CCDC88C: variants seen among roughly 807,000 people sequenced by gnomAD.
CCDC88C encodes the protein protein Daple.
A neutral mutation model predicts 198.8 loss-of-function variants in CCDC88C; 131 were observed. The ratio of observed to expected loss-of-function variants is 0.66; its 90% CI spans 0.57 to 0.76. The LOEUF is 0.76. Among genes scored for constraint, CCDC88C ranks in the 30% least tolerant of loss-of-function variants. CCDC88C has a pLI of 0.00. For synonymous variants in CCDC88C, 1,166 were observed against 1,114.7 expected, an observed-to-expected ratio of 1.05 and a Z score of -0.92; for missense variants, 2,553 against 2,631.6, an observed-to-expected ratio of 0.97 and a Z score of 0.65.
chr14:91,310,115 A>C (rs899411503), intron 15 of CCDC88C, 129 bp from the exon 16 acceptor site: 6 of 873,012 alleles, frequency 6.9e-6, no homozygotes, highest in South Asian at 2.2e-5. Context: ...GAGCGAGGGG[A>C]CTCTGAACCC....
intron 3 of CCDC88C, among the ~76,000 whole-genome samples, chr14:91,373,842 G>A (rs952530225): frequency 1.3e-5 from 2 of 152,182 alleles, no homozygotes; most frequent in South Asian, 2.1e-4. Flanking sequence ...CAGCCCAGCC[G>A]GTCCCCTGCC....
intron 3 of CCDC88C, among the ~76,000 whole-genome samples, chr14:91,384,053 A>T (rs189403752): frequency 1.3e-3 from 205 of 152,262 alleles, no homozygotes; most frequent in Middle Eastern, 6.8e-3. Context: ...AGGGCACCAC[A>T]TCTGGGTACC....
At position 91,313,907 on chromosome 14, in the gene CCDC88C, G is replaced by C. The variant is rs7160308; in HGVS notation, c.1909C>G (p.Leu637Val). The C allele has an allele frequency of 3.3e-3, 5,345 of 1,611,280 alleles. 171 individuals carry two copies. The African/African-American group carries it at 0.063, about 19-fold the overall frequency. ...CCGTTCTCCTCCTGGAGTCGCTGTA[G>C]CTCCCTCTCCAGCTTCTCTGCCCGC... The part of the protein sequence containing the change: ...GERAEKLERE[L>V]QRLQEENGRL... Residue 637 changes from leucine (L) to valine (V), a missense_variant, in exon 15 of 30, where the codon CTA becomes GTA. By Grantham distance (32) the Leu-to-Val change is conservative (BLOSUM62 1). Coordinates refer to ENST00000389857, the MANE Select transcript of CCDC88C (RefSeq NM_001080414.4). This position sits in a 1 kb window ranked among gnomAD's most constrained non-coding sequence, Gnocchi z 5.2.
intron 12 of CCDC88C, among the ~76,000 whole-genome samples, chr14:91,323,520 T>G (rs951572890): frequency 2.6e-5 from 4 of 152,186 alleles, no homozygotes; most frequent in African/African-American, 4.8e-5. Context: ...CACTGCCCCA[T>G]ACACTCAGGC....
At chr14:91,287,555 C>A (rs1890467037) in intron 25 of CCDC88C, among the ~76,000 whole-genome samples, 1 of 151,872 alleles carries the variant, frequency 6.6e-6, no homozygotes, top group Non-Finnish European at 1.5e-5. Context: ...CAGGCTAGTC[C>A]CAAACTCCTG....
At chr14:91,368,337 GA>G (rs1002254125) in intron 3 of CCDC88C, among the ~76,000 whole-genome samples, 2 of 152,010 alleles carry the variant, frequency 1.3e-5, no homozygotes, top group African/African-American at 4.8e-5. Flanking sequence ...ATTTCAGAGG[GA>G]AAAAAAGCTT....
In CCDC88C at chr14:91,278,087, G is replaced by A. The variant is rs761047287; in HGVS notation, c.4893C>T (p.His1631=). 16 of 1,612,402 alleles carry A rather than the reference G, an allele frequency of 9.9e-6. No homozygotes were observed. Among genetic ancestry groups the A allele is most frequent in the East Asian group, 2.2e-5 (1 of 44,826 alleles). ...GCCCGTTCCGAGGCAAGGGGTACTC[G>A]TGGCGGCCGAGGGCGTTGCGTCCCG... ...STPGRNALGR[H]EYPLPRNGPL... The change falls in exon 29 of 30, where the codon CAC becomes CAT. Residue 1631 remains histidine (H), a synonymous_variant. Transcript: ENST00000389857.
At chr14:91,361,178 G>A (rs1475707650) in intron 3 of CCDC88C, among the ~76,000 whole-genome samples, 1 of 151,946 alleles carries the variant, frequency 6.6e-6, no homozygotes, top group Non-Finnish European at 1.5e-5. Flanking sequence ...AAAAGAGGGT[G>A]GGTTTCATAA....
chr14:91,304,178 A>C (rs1164886150), intron 19 of CCDC88C, among the ~76,000 whole-genome samples, 200 bp from the exon 20 acceptor site: 1 of 152,192 alleles, frequency 6.6e-6, no homozygotes, highest in Non-Finnish European at 1.5e-5. Context: ...GGGCACTCAG[A>C]GGGTACTTCA....
chr14:91,353,616 G>T (rs556261438), intron 4 of CCDC88C, among the ~76,000 whole-genome samples: 2 of 152,314 alleles, frequency 1.3e-5, no homozygotes, highest in South Asian at 4.1e-4. Context: ...CGGGCCTTCT[G>T]GCTTCCTCAG....
chr14:91,345,069 C>T (rs1433724278), intron 4 of CCDC88C, among the ~76,000 whole-genome samples: 1 of 150,996 alleles, frequency 6.6e-6, no homozygotes, highest in Non-Finnish European at 1.5e-5. Context: ...GTTGGGATCA[C>T]ACGTGTGAGC....
At chr14:91,310,584 A>T (rs1891775391) in intron 15 of CCDC88C, among the ~76,000 whole-genome samples, 1 of 151,926 alleles carries the variant, frequency 6.6e-6, no homozygotes, top group Non-Finnish European at 1.5e-5. Flanking sequence ...CTAATTTTTA[A>T]ATTTTTTGTA....
rs1241117546 is a variant in CCDC88C, at chr14:91,307,315, C to T, written c.3007-89G>A. ...GAGTGGCTGAGGGCAACCTGCACCA[C>T]ACCCTCCACACTCCCCATACTCGCC... On this transcript the variant is annotated intron_variant, in intron 17 of 29. Coordinates refer to ENST00000389857, the MANE Select transcript of CCDC88C (RefSeq NM_001080414.4). The T allele has an allele frequency of 6.4e-6, 7 of 1,095,892 alleles. No individual in the cohort carries two copies. In the African/African-American group the frequency reaches 7.7e-5, roughly 12 times the overall value. The allele number at this position is 1,095,892 out of a possible 1,614,324, so 67.9% of individuals were successfully genotyped here. A position where few individuals can be genotyped will look rare whatever the true frequency, so the allele number is the denominator to read the frequency against.
intron 4 of CCDC88C, among the ~76,000 whole-genome samples, chr14:91,359,105 G>A (rs1894175378): frequency 6.6e-6 from 1 of 152,032 alleles, no homozygotes; most frequent in Admixed American, 6.6e-5. Context: ...GGAGGAACAA[G>A]GCGGTGGCCT....
At chr14:91,416,612 G>A in intron 2 of CCDC88C, 126 bp downstream of exon 2, 3 of 720,604 alleles carry the variant, frequency 4.2e-6, no homozygotes, top group Non-Finnish European at 7.4e-6. Flanking sequence ...AGATACCAGC[G>A]TCTCCACCTT....
intron 13 of CCDC88C, among the ~76,000 whole-genome samples, chr14:91,318,808 C>T (rs12435451): frequency 0.59 from 89,877 of 151,534 alleles, 27,734 homozygotes; most frequent in Non-Finnish European, 0.67. Flanking sequence ...ATCCCAGCTA[C>T]TTGGGAGGCC....
chr14:91,393,058 G>A (rs1026694843), intron 3 of CCDC88C, among the ~76,000 whole-genome samples: 3 of 152,176 alleles, frequency 2.0e-5, no homozygotes, highest in African/African-American at 4.8e-5. Context: ...GTCCGCTCCC[G>A]GAAACGGCCC....
At chr14:91,335,437 G>C (rs538379301) in intron 10 of CCDC88C, among the ~76,000 whole-genome samples, 35 of 151,962 alleles carry the variant, frequency 2.3e-4, no homozygotes, top group African/African-American at 8.2e-4. Context: ...CTGCTTTCTC[G>C]GGCTTCCAGG....
intron 3 of CCDC88C, chr14:91,378,847 T>C (rs1884615031): frequency 6.6e-6 from 1 of 152,242 alleles, no homozygotes; most frequent in African/African-American, 2.4e-5. Flanking sequence ...CTGTATAATA[T>C]TCCATTGTGT....
Sources: allele counts gnomAD v4.1 joint callset (sites outside exome capture counted in the v4.1 genomes callset), GRCh38; gene constraint gnomAD v4.1.1; non-coding constraint Gnocchi (gnomAD v3.1); transcripts MANE v1.5; gene names NCBI Gene and HGNC (gene_info 2026-07-23, HGNC 2026-07-21).